Variants in LPP observed in about 807,000 individuals in gnomAD.
LPP encodes the protein LIM domain containing preferred translocation partner in lipoma.
LPP carries 38 observed loss-of-function variants against 60.4 expected under a neutral mutation model. That is an observed-to-expected ratio of 0.63 (90% CI 0.49 to 0.83). LPP has a LOEUF of 0.83. LPP is among the 40% of genes least tolerant of loss of function. The pLI is 0.00. For missense variants in LPP, 902 were observed against 783.6 expected (o/e 1.15, Z -1.80); for synonymous variants, 328 against 290.8 (o/e 1.13, Z -1.30).
intron 3 of LPP, among the ~76,000 whole-genome samples, chr3:188,405,011 C>CTGGG (rs1783109595): frequency 6.6e-6 from 1 of 152,202 alleles, no homozygotes; most frequent in Non-Finnish European, 1.5e-5. Context: ...ATCAGAGCAG[C>CTGGG]ATCTGGGCTG....
rs1304141838 is a variant in LPP, at chr3:188,786,256, G to A, written c.1410+25974G>A. ...AAATTACCCGGGCATGGTGGCGGGT[G>A]CCTATAATCCCAACTACTTGGGAGG... is the stretch of plus-strand genomic sequence containing the variant. On this transcript the variant is annotated intron_variant, in intron 9 of 11. Coordinates refer to ENST00000617246, the MANE Select transcript of LPP (RefSeq NM_001375462.1). 2.6e-5 allele frequency among the ~76,000 whole-genome samples: 4 copies of A among 151,710 alleles called. No homozygotes were observed. In the South Asian group the frequency reaches 6.3e-4, roughly 24 times the overall value.
chr3:188,383,537 A>T (rs1247522207), intron 3 of LPP, among the ~76,000 whole-genome samples: 1 of 152,162 alleles, frequency 6.6e-6, no homozygotes, highest in African/African-American at 2.4e-5. Context: ...AGTCCTTTTA[A>T]TTACATAAAA....
At chr3:188,839,200 C>T (rs546024489) in intron 9 of LPP, among the ~76,000 whole-genome samples, 6 of 152,048 alleles carry the variant, frequency 3.9e-5, no homozygotes, top group East Asian at 1.9e-4. Context: ...ATTTGAGTTA[C>T]GCAAAGCTGC....
intron 9 of LPP, among the ~76,000 whole-genome samples, chr3:188,855,448 A>G (rs574253949): frequency 3.3e-5 from 5 of 152,322 alleles, no homozygotes; most frequent in African/African-American, 1.2e-4. Flanking sequence ...ACTATGAAGA[A>G]AGCAACAGGA....
At chr3:188,495,174 A>G (rs1434305715) in intron 5 of LPP, among the ~76,000 whole-genome samples, 2 of 55,440 alleles carry the variant, frequency 3.6e-5, no homozygotes, top group Non-Finnish European at 6.9e-5. Context: ...ATATATATTT[A>G]TAAATATATA....
chr3:188,874,291 C>T (rs1768961155), intron 11 of LPP, 60 bp from the exon 12 acceptor site: 2 of 1,532,046 alleles, frequency 1.3e-6, no homozygotes, highest in East Asian at 2.3e-5. Context: ...TCATGATGTT[C>T]TCCACATGTG....
At chr3:188,485,365 G>A (rs1306929440) in intron 5 of LPP, among the ~76,000 whole-genome samples, 1 of 152,162 alleles carries the variant, frequency 6.6e-6, no homozygotes, top group Non-Finnish European at 1.5e-5. Context: ...CTGAAGAAGT[G>A]CTTTATGTCA....
intron 9 of LPP, among the ~76,000 whole-genome samples, chr3:188,830,612 A>C (rs1396210406): frequency 1.5e-5 from 2 of 135,612 alleles, no homozygotes; most frequent in African/African-American, 6.2e-5. Flanking sequence ...CTCAAAAAAC[A>C]AAAAAAAAAA....
intron 7 of LPP, among the ~76,000 whole-genome samples, chr3:188,636,156 C>T (rs1848695600): frequency 6.6e-6 from 1 of 152,330 alleles, no homozygotes; most frequent in African/African-American, 2.4e-5. Context: ...GGGTTCATCT[C>T]ACTAGGCAGT....
intron 1 of LPP, among the ~76,000 whole-genome samples, chr3:188,212,296 G>A (rs1242155341): frequency 1.3e-5 from 2 of 152,128 alleles, no homozygotes; most frequent in African/African-American, 4.8e-5. Context: ...TTGCATTCTG[G>A]ATGGTCTCAT....
At chr3:188,229,048 C>T (rs1246426901) in intron 2 of LPP, among the ~76,000 whole-genome samples, 1 of 152,244 alleles carries the variant, frequency 6.6e-6, no homozygotes, top group Non-Finnish European at 1.5e-5. Flanking sequence ...TCTTCCTCCT[C>T]CGGGTTGGAT....
chr3:188,811,432 A>G (rs1750956570), intron 9 of LPP, among the ~76,000 whole-genome samples: 1 of 152,116 alleles, frequency 6.6e-6, no homozygotes, highest in African/African-American at 2.4e-5. Flanking sequence ...GATTGGGGAA[A>G]TCAATAAAAG....
Position 188,889,255 on chromosome 3 carries a change from A to G in LPP, c.*14776A>G, listed in dbSNP as rs1404346982. 4.3e-6 allele frequency: 1 copy of G among 230,758 alleles called. No homozygotes were observed. The highest frequency in any genetic ancestry group is 8.6e-6 in the Non-Finnish European group (1 of 116,522). 14.3% of individuals were successfully genotyped at this position (230,758 alleles called of 1,614,324 possible). On this transcript the variant is annotated 3_prime_UTR_variant, in exon 12 of 12. Coordinates refer to ENST00000617246, the MANE Select transcript of LPP (RefSeq NM_001375462.1). ...AGTTCCATCACTGACAAAACTGTCAATACTGTTGATGGAGCAGCAGCATAG... is the reference window on the plus strand; with the variant it reads ...AGTTCCATCACTGACAAAACTGTCAGTACTGTTGATGGAGCAGCAGCATAG...
At chr3:188,623,027 T>TAAAAAAAAAA (rs747020083) in intron 7 of LPP, among the ~76,000 whole-genome samples, 33 of 79,030 alleles carry the variant, frequency 4.2e-4, no homozygotes, top group East Asian at 1.3e-3. Flanking sequence ...GACTCCATCT[T>TAAAAAAAAAA]AAAAAAAAAA....
chr3:188,657,668 A>G (rs933032722), intron 7 of LPP, among the ~76,000 whole-genome samples: 13 of 151,998 alleles, frequency 8.6e-5, no homozygotes, highest in African/African-American at 2.9e-4. Flanking sequence ...CATGATATCC[A>G]TAGTTTGTCC....
rs1004222826 is a variant in LPP at position 188,441,609 on chromosome 3, CTTTTTTTTTTTT to C, written c.193+35314_193+35325del. On this transcript the variant is annotated intron_variant, in intron 4 of 11. Transcript: ENST00000617246. ...ACAGTTTCTTTTTTTCTTTTCTTTTCTTTTTTTTTTTTTTTTTTTTTTTTTTTTTGAGATGGA... is the reference window on the plus strand; with the variant it reads ...ACAGTTTCTTTTTTTCTTTTCTTTTCTTTTTTTTTTTTTTTTTGAGATGGA... Among the ~76,000 whole-genome samples, 142 of 55,660 alleles carry C rather than the reference CTTTTTTTTTTTT, an allele frequency of 2.6e-3. 1 individual carries two copies. Among genetic ancestry groups the C allele is most frequent in the African/African-American group, 3.4e-3 (46 of 13,348 alleles). The allele number at this position is 55,660 out of a possible 152,430, so 36.5% of individuals were successfully genotyped here. A position where few individuals can be genotyped will look rare whatever the true frequency, so the allele number is the denominator to read the frequency against.
chr3:188,345,947 C>T (rs1474370690), intron 3 of LPP, among the ~76,000 whole-genome samples: 1 of 152,132 alleles, frequency 6.6e-6, no homozygotes, highest in Non-Finnish European at 1.5e-5. Context: ...CCTAACTTTC[C>T]TCTGAGCTGC....
chr3:188,377,370 C>A (rs529259682), intron 3 of LPP, among the ~76,000 whole-genome samples: 21 of 152,346 alleles, frequency 1.4e-4, no homozygotes, highest in Non-Finnish European at 2.6e-4. Context: ...GGTCCTTTCA[C>A]ATAGTCCCAT....
At chr3:188,760,398 T>TGTGTGTGTGGG in intron 9 of LPP, 116 bp downstream of exon 9, 1 of 922,760 alleles carries the variant, frequency 1.1e-6, no homozygotes, top group Non-Finnish European at 1.6e-6. Context: ...GACTTCAAAA[T>TGTGTGTGTGGG]GTGTGTGTGG....
Sources: allele counts gnomAD v4.1 joint callset (sites outside exome capture counted in the v4.1 genomes callset), GRCh38; gene constraint gnomAD v4.1.1; transcripts MANE v1.5; gene names NCBI Gene and HGNC (gene_info 2026-07-23, HGNC 2026-07-21).